SCP2: variants seen among roughly 807,000 people sequenced by gnomAD.
The protein encoded by SCP2 is SCP-2/3-oxoacyl-CoA thiolase.
Under a neutral mutation model 71.4 loss-of-function variants are expected in SCP2, and 48 were observed. That is an observed-to-expected ratio of 0.67 (90% CI 0.53 to 0.86). The LOEUF is 0.86. Ranked by LOEUF, SCP2 falls within the 40% of genes least tolerant of loss-of-function variation. The pLI, the probability that SCP2 is intolerant of heterozygous loss-of-function variation, is 0.00. For synonymous variants in SCP2, 220 were observed against 218.1 expected, an observed-to-expected ratio of 1.01 and a Z score of -0.08; for missense variants, 560 against 655.6, an observed-to-expected ratio of 0.85 and a Z score of 1.59.
At chr1:52,996,265 C>G (rs886514197) in intron 11 of SCP2, among the ~76,000 whole-genome samples, 2 of 152,142 alleles carry the variant, frequency 1.3e-5, no homozygotes, top group African/African-American at 4.8e-5. Context: ...CTTCTGGTGC[C>G]CATCCCTTCC....
chr1:53,011,794 C>G (rs2150224001), intron 11 of SCP2, among the ~76,000 whole-genome samples: 1 of 152,272 alleles, frequency 6.6e-6, no homozygotes, highest in East Asian at 1.9e-4. Context: ...AAGCCCTCAC[C>G]TTTCCGACAT....
At chr1:52,957,009 A>G (rs1297069709) in intron 5 of SCP2, among the ~76,000 whole-genome samples, 1 of 149,180 alleles carries the variant, frequency 6.7e-6, no homozygotes, top group African/African-American at 2.5e-5. Context: ...TCCTGGGTTC[A>G]AGCGATTCTC....
At chr1:53,004,432 C>T (rs954685177) in intron 11 of SCP2, among the ~76,000 whole-genome samples, 3 of 152,290 alleles carry the variant, frequency 2.0e-5, no homozygotes, top group Non-Finnish European at 4.4e-5. Flanking sequence ...TGCACGTATA[C>T]ATCCAGATGG....
At position 52,950,771 on chromosome 1, in the gene SCP2, G is replaced by A. The variant is rs752584542; in HGVS notation, c.216G>A (p.Gly72=). Residue 72 remains glycine (G), a synonymous_variant, in exon 4 of 16, where the codon GGG becomes GGA. Coordinates refer to ENST00000371514, the MANE Select transcript of SCP2 (RefSeq NM_002979.5). ...VGYVFGDSTC[G]QRAIYHSLGM... is the part of the protein sequence containing the mutation. ...TCTATTCAGGTGACTCTACCTGTGG[G>A]CAGAGGGCTATCTATCACAGTTTGG... 10 of 1,613,524 alleles carry A rather than the reference G, an allele frequency of 6.2e-6. No homozygotes were observed. Among genetic ancestry groups the A allele is most frequent in the Non-Finnish European group, 8.5e-6 (10 of 1,179,674 alleles).
chr1:52,949,189 G>A (rs760771728), intron 3 of SCP2, among the ~76,000 whole-genome samples: 1 of 152,072 alleles, frequency 6.6e-6, no homozygotes, highest in Admixed American at 6.6e-5. Context: ...ATTTCTTTGA[G>A]ATATCAAGAT....
intron 1 of SCP2, among the ~76,000 whole-genome samples, chr1:52,936,534 C>T (rs1007039759): frequency 1.3e-5 from 2 of 152,196 alleles, no homozygotes; most frequent in African/African-American, 2.4e-5. Context: ...ACACATTCAA[C>T]TACATGAGTA....
intron 12 of SCP2, among the ~76,000 whole-genome samples, chr1:53,019,124 A>G (rs1661542769): frequency 6.6e-6 from 1 of 152,216 alleles, no homozygotes; most frequent in South Asian, 2.1e-4. Context: ...CTGGAGGTGC[A>G]TGAGGTTGTT....
chr1:53,030,815 G>A (rs747349905), intron 13 of SCP2, among the ~76,000 whole-genome samples: 1 of 150,806 alleles, frequency 6.6e-6, no homozygotes, highest in Admixed American at 6.7e-5. Flanking sequence ...CAGGAGAATC[G>A]CTTGAACCTG....
At position 52,935,462 on chromosome 1, in the gene SCP2, C is replaced by G. The variant is rs1318153814; in HGVS notation, c.70-6334C>G. On this transcript the variant is annotated intron_variant, in intron 1 of 15. Transcript: ENST00000371514. ...AAAATTAGCCAGGCGTGGTGGTGGA[C>G]GCCTGTAATCCCAGCTACTCGAGAG... 4.0e-5 allele frequency among the ~76,000 whole-genome samples: 6 copies of G among 151,382 alleles called. No individual in the cohort carries two copies. The East Asian group carries it at 1.2e-3, about 29-fold the overall frequency.
At chr1:53,031,189 G>C (rs907002829) in intron 13 of SCP2, among the ~76,000 whole-genome samples, 5 of 152,076 alleles carry the variant, frequency 3.3e-5, no homozygotes, top group Non-Finnish European at 7.4e-5. Context: ...TGAAGTATGA[G>C]ATATGGCAGT....
At position 52,995,731 on chromosome 1, in the gene SCP2, C is replaced by T. The variant is rs1659887309; in HGVS notation, c.1081+7595C>T. On this transcript the variant is annotated intron_variant, in intron 11 of 15. Coordinates refer to ENST00000371514, the MANE Select transcript of SCP2 (RefSeq NM_002979.5). ...GCTACTTTGTGGAGTGGATCCCCAA[C>T]AACATCAAGACAGCTGTCTGTGACA... The T allele has an allele frequency of 2.9e-5, 22 of 770,802 alleles. 1 individual carries two copies. Among genetic ancestry groups the T allele is most frequent in the South Asian group, 2.7e-4 (20 of 73,394 alleles). The allele number at this position is 770,802 out of a possible 1,614,324, so 47.7% of individuals were successfully genotyped here.
intron 5 of SCP2, among the ~76,000 whole-genome samples, chr1:52,955,918 A>G (rs985579097): frequency 1.3e-5 from 2 of 152,128 alleles, no homozygotes; most frequent in Non-Finnish European, 1.5e-5. Flanking sequence ...AATAAAAGAC[A>G]GCTTGGGAAC....
chr1:53,043,315 T>C (rs887798710), intron 14 of SCP2, among the ~76,000 whole-genome samples: 12 of 152,198 alleles, frequency 7.9e-5, no homozygotes, highest in African/African-American at 2.9e-4. Context: ...AGTAAATCAT[T>C]GTTTCCTCCC....
intron 11 of SCP2, among the ~76,000 whole-genome samples, chr1:52,999,944 G>A (rs763809634): frequency 1.1e-4 from 17 of 151,358 alleles, no homozygotes; most frequent in Non-Finnish European, 1.0e-4. Context: ...AACCTCCGGA[G>A]TAGCTGGGAT....
intron 6 of SCP2, 46 bp downstream of exon 6, chr1:52,961,675 C>T (rs926643210): frequency 4.6e-6 from 7 of 1,509,684 alleles, no homozygotes; most frequent in Middle Eastern, 3.4e-4. Context: ...TAGTTATATA[C>T]ATGAGATGAG....
At chr1:53,048,554 T>C (rs943638724) in intron 15 of SCP2, 2 of 164,122 alleles carry the variant, frequency 1.2e-5, no homozygotes, top group Non-Finnish European at 2.7e-5. Flanking sequence ...TGTTGTGTTA[T>C]GTTAGTCATA....
intron 14 of SCP2, among the ~76,000 whole-genome samples, chr1:53,039,985 C>G (rs891102389): frequency 2.6e-5 from 4 of 152,220 alleles, no homozygotes; most frequent in African/African-American, 9.7e-5. Context: ...TAAATTGCTC[C>G]TGTGTCCTAC....
intron 5 of SCP2, among the ~76,000 whole-genome samples, chr1:52,955,519 GA>G (rs972402581): frequency 2.4e-4 from 36 of 149,822 alleles, no homozygotes; most frequent in Admixed American, 5.3e-4. Flanking sequence ...AACAGGGGAG[GA>G]AAAAAAAAGA....
rs944764724 is a variant in SCP2 at position 52,981,824 on chromosome 1, A to G, written c.973+1281A>G. ...AATAAAATATATACTAGAAAATTTA[A>G]AAGTATTGTGTGGGCATTATATTTC... is the stretch of plus-strand genomic sequence containing the variant. On this transcript the variant is annotated intron_variant, in intron 10 of 15. Transcript: ENST00000371514. 2.6e-5 allele frequency among the ~76,000 whole-genome samples: 4 copies of G among 151,206 alleles called. No homozygotes were observed. The East Asian group carries it at 7.7e-4, about 29-fold the overall frequency.
Sources: gnomAD v4.1 joint callset for allele counts (sites outside exome capture counted in the v4.1 genomes callset) on GRCh38, gnomAD v4.1.1 for gene constraint, MANE v1.5 for transcripts, NCBI Gene and HGNC (gene_info 2026-07-23, HGNC 2026-07-21) for gene names.